The following CACNG2 variants were observed in gnomAD, a reference collection of about 807,000 sequenced individuals.
CACNG2 encodes the protein voltage-dependent calcium channel gamma-2 subunit.
Under a neutral mutation model 25.9 loss-of-function variants are expected in CACNG2, and 3 were observed. The ratio of observed to expected loss-of-function variants is 0.12; its 90% CI spans 0.05 to 0.30. CACNG2 has a LOEUF of 0.30. CACNG2 is among the 10% of genes least tolerant of loss of function. The pLI is 1.00. For synonymous variants in CACNG2, 167 were observed against 173.3 expected, an observed-to-expected ratio of 0.96 and a Z score of 0.29; for missense variants, 341 against 432.5, an observed-to-expected ratio of 0.79 and a Z score of 1.88.
Position 36,591,264 on chromosome 22 carries a change from CG to C in CACNG2, c.212-3717del, listed in dbSNP as rs1410382432. ...CACTGTGGTCTCGATCTCCTGACCTCGTGATCCGCCTGCTTCGGCCTCCCAA... is the reference window on the plus strand; with the variant it reads ...CACTGTGGTCTCGATCTCCTGACCTCTGATCCGCCTGCTTCGGCCTCCCAA... On this transcript the variant is annotated intron_variant, in intron 1 of 3. Transcript: ENST00000300105. Among the ~76,000 whole-genome samples the C allele has an allele frequency of 2.0e-5, 3 of 151,948 alleles. No individual in the cohort carries two copies. In the East Asian group the frequency reaches 5.8e-4, roughly 29 times the overall value.
chr22:36,666,446 A>C (rs550853276), intron 1 of CACNG2, among the ~76,000 whole-genome samples: 23 of 152,226 alleles, frequency 1.5e-4, no homozygotes, highest in African/African-American at 5.1e-4. Context: ...GTATGATTCA[A>C]CTTACATGAG....
intron 1 of CACNG2, among the ~76,000 whole-genome samples, chr22:36,691,358 G>A (rs1937266472): frequency 6.6e-6 from 1 of 152,168 alleles, no homozygotes; most frequent in Non-Finnish European, 1.5e-5. Context: ...CAAACTGCAA[G>A]GAGACTGATG....
intron 1 of CACNG2, among the ~76,000 whole-genome samples, chr22:36,637,081 G>A (rs1452476831): frequency 3.3e-5 from 5 of 152,238 alleles, no homozygotes; most frequent in African/African-American, 1.2e-4. Flanking sequence ...TGCTGTGTGA[G>A]GCTCTGGTGC....
intron 1 of CACNG2, among the ~76,000 whole-genome samples, chr22:36,590,970 C>T (rs1274668875): frequency 6.6e-6 from 1 of 152,186 alleles, no homozygotes; most frequent in Non-Finnish European, 1.5e-5. Flanking sequence ...CCTTCTGCCT[C>T]CCTGCACTGT....
chr22:36,592,154 G>A (rs543689960), intron 1 of CACNG2, among the ~76,000 whole-genome samples: 120 of 150,102 alleles, frequency 8.0e-4, no homozygotes, highest in African/African-American at 2.8e-3. Context: ...GGAATGGGAG[G>A]GATTATGAGG....
At chr22:36,589,764 T>A (rs998468948) in intron 1 of CACNG2, among the ~76,000 whole-genome samples, 3 of 152,110 alleles carry the variant, frequency 2.0e-5, no homozygotes, top group African/African-American at 7.2e-5. Context: ...CTCCTGCATC[T>A]TGGGGTGTTA....
intron 2 of CACNG2, among the ~76,000 whole-genome samples, chr22:36,574,923 G>A (rs558623856): frequency 6.6e-6 from 1 of 152,342 alleles, no homozygotes; most frequent in African/African-American, 2.4e-5. Flanking sequence ...GGGCAGTTGG[G>A]TGTGCAGATG....
Position 36,701,149 on chromosome 22 carries a change from T to C in CACNG2, c.211+1217A>G, listed in dbSNP as rs1183762584. Among the ~76,000 whole-genome samples the C allele has an allele frequency of 2.6e-5, 4 of 152,140 alleles. No individual in the cohort carries two copies. In the East Asian group the frequency reaches 5.8e-4, roughly 22 times the overall value. ...TCCTGCAGTCCTTGCTTCCCGACGCTGCCTCAAACGGCCCCCAGTATTGGT... is the reference window on the plus strand; with the variant it reads ...TCCTGCAGTCCTTGCTTCCCGACGCCGCCTCAAACGGCCCCCAGTATTGGT... On this transcript the variant is annotated intron_variant, in intron 1 of 3. Coordinates refer to ENST00000300105, the MANE Select transcript of CACNG2 (RefSeq NM_006078.5).
intron 1 of CACNG2, among the ~76,000 whole-genome samples, chr22:36,616,905 C>T (rs548486322): frequency 4.6e-5 from 7 of 152,256 alleles, no homozygotes; most frequent in East Asian, 1.9e-4. Flanking sequence ...GGATGCTGGG[C>T]ACTGGGGAGA....
Position 36,596,541 on chromosome 22 carries a change from A to G in CACNG2, c.212-8993T>C, listed in dbSNP as rs117203126. Among the ~76,000 whole-genome samples the G allele has an allele frequency of 2.8e-4, 43 of 152,208 alleles. No homozygotes were observed. The Middle Eastern group carries it at 0.01, about 36-fold the overall frequency. ...GGTCAAGAAGGGAGAGGGCAGTCTC[A>G]GTGGGTAGTTTCGAATGCCTACTGT... On this transcript the variant is annotated intron_variant, in intron 1 of 3. Coordinates refer to ENST00000300105, the MANE Select transcript of CACNG2 (RefSeq NM_006078.5).
In CACNG2 at chr22:36,562,478, T is replaced by TGTGTGTGGGTATGTGTGC. The variant is rs1935045086; in HGVS notation, c.*1855_*1872dup. On this transcript the variant is annotated 3_prime_UTR_variant, in exon 4 of 4. Coordinates refer to ENST00000300105, the MANE Select transcript of CACNG2 (RefSeq NM_006078.5). ...CCCATGCATGCGAGTGGTGTGTGTG[T>TGTGTGTGGGTATGTGTGC]GTGTGTGGGTATGTGTGCGTGTGTG... 6.6e-6 allele frequency: 1 copy of TGTGTGTGGGTATGTGTGC among 152,160 alleles called. No individual in the cohort carries two copies. Among genetic ancestry groups the TGTGTGTGGGTATGTGTGC allele is most frequent in the East Asian group, 1.9e-4 (1 of 5,180 alleles). The allele number at this position is 152,160 out of a possible 1,614,324, so 9.4% of individuals were successfully genotyped here.
chr22:36,564,622 TGGTAGC>T lies in CACNG2; in HGVS notation c.695_700del (p.Arg232_Tyr233del). 5 of 1,613,848 alleles carry T rather than the reference TGGTAGC, an allele frequency of 3.1e-6. No individual in the cohort carries two copies. Among genetic ancestry groups the T allele is most frequent in the Non-Finnish European group, 4.2e-6 (5 of 1,179,948 alleles). On this transcript the variant is annotated inframe_deletion, in exon 4 of 4. Coordinates refer to ENST00000300105, the MANE Select transcript of CACNG2 (RefSeq NM_006078.5). This position sits in a 1 kb window ranked among gnomAD's most constrained non-coding sequence, Gnocchi z 6.7. ...GCGCGAGCTGGAGCGGCTGCGGCGC[TGGTAGC>T]GGTAGCGGTAGCTGGGGATGCGGGT...
At position 36,562,764 on chromosome 22, in the gene CACNG2, T is replaced by A. The variant is rs558060704; in HGVS notation, c.*1587A>T. On this transcript the variant is annotated 3_prime_UTR_variant, in exon 4 of 4. Transcript: ENST00000300105. ...CGTGTGGGGTGTGTGGTCTCTTTCT[T>A]TGTTGGATTCTGTCTTCCCCCATTC... 1.3e-5 allele frequency: 2 copies of A among 152,382 alleles called. No homozygotes were observed. The highest frequency in any genetic ancestry group is 6.5e-5 in the Admixed American group (1 of 15,290). 9.4% of individuals were successfully genotyped at this position (152,382 alleles called of 1,614,324 possible). A position where few individuals can be genotyped will look rare whatever the true frequency, so the allele number is the denominator to read the frequency against.
chr22:36,605,931 C>A (rs995352013), intron 1 of CACNG2, among the ~76,000 whole-genome samples: 1 of 152,120 alleles, frequency 6.6e-6, no homozygotes, highest in Admixed American at 6.5e-5. Context: ...CTGGAGTAGG[C>A]GGATAATGAA....
Position 36,598,130 on chromosome 22 carries a change from G to A in CACNG2, c.212-10582C>T, listed in dbSNP as rs142601900. On this transcript the variant is annotated intron_variant, in intron 1 of 3. Transcript: ENST00000300105. Reference sequence around the variant, plus strand: ...GAAACATCATTATCACATTGATGGTGAGCCTTTTAATTAATGGTAATGGCT... The same window carrying A: ...GAAACATCATTATCACATTGATGGTAAGCCTTTTAATTAATGGTAATGGCT... Among the ~76,000 whole-genome samples the A allele has an allele frequency of 2.8e-4, 43 of 152,242 alleles. No individual in the cohort carries two copies. In the East Asian group the frequency reaches 7.9e-3, roughly 28 times the overall value.
intron 1 of CACNG2, among the ~76,000 whole-genome samples, chr22:36,670,770 T>G (rs1301094775): frequency 6.6e-6 from 1 of 152,000 alleles, no homozygotes; most frequent in East Asian, 1.9e-4. Flanking sequence ...TAGCTGAGAC[T>G]ACAGGGGAAC....
intron 1 of CACNG2, among the ~76,000 whole-genome samples, chr22:36,688,653 A>G (rs1937232180): frequency 6.6e-6 from 1 of 152,122 alleles, no homozygotes; most frequent in African/African-American, 2.4e-5. Context: ...GTGCCTGGGA[A>G]GAAGGTGGTT....
chr22:36,635,848 G>A (rs1601428986), intron 1 of CACNG2, among the ~76,000 whole-genome samples: 1 of 152,134 alleles, frequency 6.6e-6, no homozygotes, highest in East Asian at 1.9e-4. Flanking sequence ...AGGATTCTGG[G>A]AGTCATCCTG....
intron 1 of CACNG2, among the ~76,000 whole-genome samples, chr22:36,622,000 G>A (rs914602721): frequency 2.0e-5 from 3 of 152,166 alleles, no homozygotes; most frequent in African/African-American, 4.8e-5. Flanking sequence ...CCTATGTGCC[G>A]CTCACTCTGC....
Sources: allele counts gnomAD v4.1 joint callset (sites outside exome capture counted in the v4.1 genomes callset), GRCh38; gene constraint gnomAD v4.1.1; non-coding constraint Gnocchi (gnomAD v3.1); transcripts MANE v1.5; gene names NCBI Gene and HGNC (gene_info 2026-07-23, HGNC 2026-07-21).